RAD54B: variants seen among roughly 807,000 people sequenced by gnomAD.
The protein encoded by RAD54B is RAD54 homolog B, also known as DNA repair and recombination protein RAD54B.
In RAD54B, 78 loss-of-function variants were observed where a neutral mutation model predicts 95.8. The observed-to-expected ratio is 0.81, with a 90% confidence interval of 0.68 to 0.98. The LOEUF (loss-of-function observed/expected upper bound fraction) is 0.98. RAD54B is among the 50% of genes least tolerant of loss of function. The pLI, the probability that RAD54B is intolerant of heterozygous loss-of-function variation, is 0.00. For missense variants in RAD54B, 957 were observed against 1,056.6 expected, an observed-to-expected ratio of 0.91 and a Z score of 1.31; for synonymous variants, 328 against 354.9, an observed-to-expected ratio of 0.92 and a Z score of 0.85.
chr8:94,421,396 A>G (rs1274231039), intron 3 of RAD54B, among the ~76,000 whole-genome samples: 2 of 152,144 alleles, frequency 1.3e-5, no homozygotes, highest in Non-Finnish European at 2.9e-5. Flanking sequence ...GTTCTTCAGA[A>G]CTGACTTCTA....
At chr8:94,427,946 A>G in intron 3 of RAD54B, 1 of 912,938 alleles carries the variant, frequency 1.1e-6, no homozygotes, top group Non-Finnish European at 1.3e-6. Context: ...AAAAAAATGA[A>G]ATAACACCAA....
At chr8:94,440,017 CA>C (rs1357491735) in intron 3 of RAD54B, among the ~76,000 whole-genome samples, 3 of 152,146 alleles carry the variant, frequency 2.0e-5, no homozygotes, top group African/African-American at 7.2e-5. Flanking sequence ...TTTGCACGAC[CA>C]TTTCAAGATA....
chr8:94,419,527 A>G (rs973485780), intron 3 of RAD54B, among the ~76,000 whole-genome samples: 4 of 152,104 alleles, frequency 2.6e-5, no homozygotes, highest in African/African-American at 9.7e-5. Context: ...AAATAAATAA[A>G]TGAAAATAAA....
intron 3 of RAD54B, among the ~76,000 whole-genome samples, chr8:94,420,251 A>AT (rs57897762): frequency 0.17 from 20,159 of 116,936 alleles, 2,039 homozygotes; most frequent in South Asian, 0.37. Flanking sequence ...AGAAAACTTG[A>AT]TTTTTTTTTT....
intron 3 of RAD54B, among the ~76,000 whole-genome samples, chr8:94,426,606 GCA>G (rs1156886020): frequency 6.6e-6 from 1 of 152,174 alleles, no homozygotes; most frequent in Non-Finnish European, 1.5e-5. Flanking sequence ...AACAAAGTAT[GCA>G]TATTGTATGA....
At chr8:94,405,948 G>T (rs1811378598) in intron 5 of RAD54B, among the ~76,000 whole-genome samples, 1 of 150,126 alleles carries the variant, frequency 6.7e-6, no homozygotes, top group African/African-American at 2.4e-5. Flanking sequence ...TCTATCCTTG[G>T]CTAAGATAAA....
At chr8:94,431,251 T>A in intron 3 of RAD54B, 1 of 965,810 alleles carries the variant, frequency 1.0e-6, no homozygotes, top group Non-Finnish European at 1.2e-6. Flanking sequence ...AAGAAATTTT[T>A]TCCAGAACAG....
rs115887686 is a variant in RAD54B, at chr8:94,401,226, T to C, written c.945-763A>G. Reference sequence around the variant, plus strand: ...CTGTGAAAGTCCACTTATATATGGGTTTTTTTCAATAAATGTTATAAATGA... The same window carrying C: ...CTGTGAAAGTCCACTTATATATGGGCTTTTTTCAATAAATGTTATAAATGA... On this transcript the variant is annotated intron_variant, in intron 6 of 14. Coordinates refer to ENST00000336148, the MANE Select transcript of RAD54B (RefSeq NM_012415.3). Among the ~76,000 whole-genome samples, 1,013 of 152,164 alleles carry C rather than the reference T, an allele frequency of 6.7e-3. 6 individuals are homozygous for C. The highest frequency in any genetic ancestry group is 0.023 in the African/African-American group (948 of 41,518).
chr8:94,429,643 A>G (rs2130095452), intron 3 of RAD54B: 1 of 983,730 alleles, frequency 1.0e-6, no homozygotes, highest in Non-Finnish European at 1.2e-6. Context: ...CATTACCTCA[A>G]ATTAAGAATT....
intron 3 of RAD54B, chr8:94,432,181 G>C (rs1812116439): frequency 6.5e-7 from 1 of 1,549,898 alleles, no homozygotes; most frequent in Non-Finnish European, 8.7e-7. Context: ...ATTGCTTTCA[G>C]CTTCTCCACT....
intron 1 of RAD54B, among the ~76,000 whole-genome samples, chr8:94,471,706 T>C (rs1813176411): frequency 1.3e-5 from 2 of 152,084 alleles, no homozygotes; most frequent in South Asian, 2.1e-4. Context: ...ATTTTTATTC[T>C]ATTCTGAGTT....
At chr8:94,425,229 CTTTTTTTTTTTT>C (rs34018801) in intron 3 of RAD54B, among the ~76,000 whole-genome samples, 2 of 114,942 alleles carry the variant, frequency 1.7e-5, no homozygotes, top group Admixed American at 9.4e-5. Context: ...CTTTAATATT[CTTTTTTTTTTTT>C]TTTTTTTTTT....
chr8:94,395,432 G>A (rs1342977746), intron 8 of RAD54B, among the ~76,000 whole-genome samples: 5 of 152,160 alleles, frequency 3.3e-5, no homozygotes, highest in Non-Finnish European at 7.4e-5. Flanking sequence ...ATCACTCTAA[G>A]GCAAGGGAGC....
chr8:94,395,905 T>C (rs988559006), intron 8 of RAD54B, among the ~76,000 whole-genome samples: 1 of 152,182 alleles, frequency 6.6e-6, no homozygotes, highest in Non-Finnish European at 1.5e-5. Context: ...GGCCTACCTT[T>C]AGACTTCCAG....
At chr8:94,455,433 G>C (rs1812757840) in intron 3 of RAD54B, among the ~76,000 whole-genome samples, 1 of 152,210 alleles carries the variant, frequency 6.6e-6, no homozygotes, top group East Asian at 1.9e-4. Context: ...GCATGTCACA[G>C]TTTTGTGAAG....
At chr8:94,376,075 C>A (rs943146093) in intron 14 of RAD54B, among the ~76,000 whole-genome samples, 12 of 152,096 alleles carry the variant, frequency 7.9e-5, no homozygotes, top group Admixed American at 7.2e-4. Context: ...ATAACAAAAT[C>A]TGGCTAATAT....
intron 3 of RAD54B, chr8:94,436,349 C>G (rs1812259838): frequency 4.5e-6 from 5 of 1,110,168 alleles, no homozygotes; most frequent in Non-Finnish European, 4.9e-6. Flanking sequence ...CCTCACTTTT[C>G]TCTTTTTAAA....
chr8:94,381,444 G>C (rs1045019894), intron 11 of RAD54B, among the ~76,000 whole-genome samples: 1 of 152,134 alleles, frequency 6.6e-6, no homozygotes, highest in Non-Finnish European at 1.5e-5. Context: ...GGGAACACCA[G>C]CTATTTGAAG....
intron 3 of RAD54B, among the ~76,000 whole-genome samples, chr8:94,442,050 A>G (rs1812409562): frequency 6.6e-6 from 1 of 152,264 alleles, no homozygotes; most frequent in Non-Finnish European, 1.5e-5. Context: ...ACAATGGAAT[A>G]TTATTTGGTT....
Sources: allele counts gnomAD v4.1 joint callset (sites outside exome capture counted in the v4.1 genomes callset), GRCh38; gene constraint gnomAD v4.1.1; transcripts MANE v1.5; gene names NCBI Gene and HGNC (gene_info 2026-07-23, HGNC 2026-07-21).